The following DMD variants were observed in gnomAD, a reference collection of about 807,000 sequenced individuals.
The protein encoded by DMD is mutant dystrophin.
In DMD, 63 loss-of-function variants were observed where a neutral mutation model predicts 330.1. The ratio of observed to expected loss-of-function variants is 0.19; its 90% confidence interval spans 0.16 to 0.24. DMD has a LOEUF of 0.24. Among genes scored for constraint, DMD ranks in the 10% least tolerant of loss-of-function variants. The pLI, the probability that DMD is intolerant of heterozygous loss-of-function variation, is 1.00. For missense variants in DMD, 3,344 were observed against 2,684.1 expected (o/e 1.25, Z -5.43); for synonymous variants, 1,223 against 959.8 (o/e 1.27, Z -5.07).
At chrX:32,727,946 G>A (rs1345850541) in intron 7 of DMD, among the ~76,000 whole-genome samples, 1 of 111,167 alleles carries the variant, frequency 9.0e-6, no homozygotes, top group African/African-American at 3.3e-5. Flanking sequence ...GGGCATTACT[G>A]CTTGTCAGGA....
intron 32 of DMD, among the ~76,000 whole-genome samples, chrX:32,387,014 A>G (rs1194741936): frequency 5.4e-5 from 6 of 110,659 alleles, no homozygotes; most frequent in Non-Finnish European, 1.1e-4. Context: ...ATTTCAATAT[A>G]TATTGTATCA....
At chrX:32,585,632 A>G (rs1308209037) in intron 13 of DMD, among the ~76,000 whole-genome samples, 2 of 91,910 alleles carry the variant, frequency 2.2e-5, no homozygotes, top group Admixed American at 1.4e-4. Flanking sequence ...CCCGGGAGGC[A>G]GAGCTTACAG....
At chrX:32,239,323 T>C (rs1453872504) in intron 43 of DMD, among the ~76,000 whole-genome samples, 2 of 112,025 alleles carry the variant, frequency 1.8e-5, no homozygotes, top group Non-Finnish European at 3.8e-5. Flanking sequence ...TCTTCTACTT[T>C]TGAACTTTTA....
chrX:31,501,436 T>C (rs2070399321), intron 56 of DMD, among the ~76,000 whole-genome samples: 1 of 112,532 alleles, frequency 8.9e-6, no homozygotes, highest in Non-Finnish European at 1.9e-5. Context: ...TTAGCTTCTA[T>C]CTATGTCTAT....
chrX:32,199,830 T>A lies in DMD; in HGVS notation c.6438+17086A>T, dbSNP rs932984205. ...TGTGTGTGTGTGTGTGTGTGTGTAT[T>A]TTTAGTAGAGGTGGAGTTTCACCCT... is the stretch of plus-strand genomic sequence containing the variant. On this transcript the variant is annotated intron_variant, in intron 44 of 78. Coordinates refer to ENST00000357033, the MANE Select transcript of DMD (RefSeq NM_004006.3). 1.1e-3 allele frequency among the ~76,000 whole-genome samples: 73 copies of A among 66,250 alleles called. 1 individual carries two copies. The highest frequency in any genetic ancestry group is 4.1e-3 in the African/African-American group (70 of 17,072). 57.5% of individuals were successfully genotyped at this position (66,250 alleles called of 115,157 possible).
chrX:32,432,817 A>T (rs2098243782), intron 29 of DMD, among the ~76,000 whole-genome samples: 1 of 112,306 alleles, frequency 8.9e-6, no homozygotes, highest in African/African-American at 3.2e-5. Flanking sequence ...TGGTCTATCT[A>T]TGCTAAGGTA....
chrX:32,879,603 A>G (rs1387731256), intron 2 of DMD, among the ~76,000 whole-genome samples: 1 of 112,526 alleles, frequency 8.9e-6, no homozygotes, highest in Non-Finnish European at 1.9e-5. Flanking sequence ...AATTTCCAAT[A>G]AACATATATG....
Position 32,884,107 on chromosome X carries a change from C to G in DMD, c.94-34287G>C, listed in dbSNP as rs1052439223. On this transcript the variant is annotated intron_variant, in intron 2 of 78. Coordinates refer to ENST00000357033, the MANE Select transcript of DMD (RefSeq NM_004006.3). ...CCATCCTCAATATTCCCAATGTCCC[C>G]TATACTAAGACTAGTCTTGACCCCA... is the stretch of plus-strand genomic sequence containing the variant. 3.6e-5 allele frequency among the ~76,000 whole-genome samples: 4 copies of G among 110,782 alleles called. No homozygotes were observed. The Admixed American group carries it at 3.9e-4, about 11-fold the overall frequency.
intron 41 of DMD, among the ~76,000 whole-genome samples, chrX:32,327,868 C>T (rs1205936903): frequency 1.8e-5 from 2 of 111,415 alleles, no homozygotes; most frequent in African/African-American, 6.5e-5. Context: ...ATGACTGTTC[C>T]TCCCCACAAT....
chrX:32,200,054 C>G (rs1265186684), intron 44 of DMD, among the ~76,000 whole-genome samples: 1 of 110,782 alleles, frequency 9.0e-6, no homozygotes, highest in Non-Finnish European at 1.9e-5. Context: ...TTGTAAAAGC[C>G]TGGAGAAAAT....
intron 56 of DMD, among the ~76,000 whole-genome samples, chrX:31,501,411 T>C (rs761615245): frequency 3.6e-5 from 4 of 112,287 alleles, no homozygotes; most frequent in African/African-American, 6.5e-5. Flanking sequence ...AAAGAGGTGG[T>C]TCAAAGGGGC....
intron 44 of DMD, among the ~76,000 whole-genome samples, chrX:32,009,118 T>C (rs1016892987): frequency 9.0e-6 from 1 of 110,499 alleles, no homozygotes; most frequent in Admixed American, 9.7e-5. Context: ...TAGAAACAAA[T>C]AGAAACAGAG....
chrX:31,965,332 A>C (rs1429329945), intron 45 of DMD, among the ~76,000 whole-genome samples: 1 of 111,768 alleles, frequency 8.9e-6, no homozygotes, highest in Non-Finnish European at 1.9e-5. Context: ...GAAGCCTGAC[A>C]TTCCTCAGAA....
chrX:32,967,329 G>A (rs914875078), intron 2 of DMD, among the ~76,000 whole-genome samples: 5 of 111,780 alleles, frequency 4.5e-5, no homozygotes, highest in African/African-American at 9.8e-5. Flanking sequence ...ATCACAGAAA[G>A]CATCAACAGG....
Position 31,652,155 on chromosome X carries a change from T to TC in DMD, c.8027+5834dup, listed in dbSNP as rs779127477. Among the ~76,000 whole-genome samples, 14 of 111,540 alleles carry TC rather than the reference T, an allele frequency of 1.3e-4. No individual in the cohort carries two copies. In the East Asian group the frequency reaches 3.7e-3, roughly 29 times the overall value. ...ATTAGGACTCTCCTGGACTACTTTT[T>TC]CCCCCCCAATTATACATATGGCCCA... On this transcript the variant is annotated intron_variant, in intron 54 of 78. Coordinates refer to ENST00000357033, the MANE Select transcript of DMD (RefSeq NM_004006.3).
chrX:33,148,282 T>C (rs2048121074), intron 1 of DMD, among the ~76,000 whole-genome samples: 1 of 112,424 alleles, frequency 8.9e-6, no homozygotes, highest in African/African-American at 3.2e-5. Context: ...CACACCTCCC[T>C]GCCATAGTTT....
upstream of DMD, chrX:33,211,564 G>A: frequency 9.8e-7 from 1 of 1,019,847 alleles, no homozygotes; most frequent in East Asian, 3.9e-5. Flanking sequence ...GGATTCTGTA[G>A]AGGCCCCCGG....
chrX:31,696,672 A>G (rs1336452327), intron 52 of DMD, among the ~76,000 whole-genome samples: 1 of 112,464 alleles, frequency 8.9e-6, no homozygotes, highest in Non-Finnish European at 1.9e-5. Flanking sequence ...TATATTCTAC[A>G]TACAACTTTG....
rs370148777 is a variant in DMD, at chrX:32,732,999, A to T, written c.650-33706T>A. Among the ~76,000 whole-genome samples, 120 of 110,975 alleles carry T rather than the reference A, an allele frequency of 1.1e-3. 2 individuals are homozygous for T. Among genetic ancestry groups the T allele is most frequent in the Non-Finnish European group, 4.0e-4 (21 of 53,062 alleles). On this transcript the variant is annotated intron_variant, in intron 7 of 78. Transcript: ENST00000357033. ...GATAAAGAGTCAAGACCCATCAGTG[A>T]GCTGTATTCAGGAAACCCATCTCAT...
Sources: gnomAD v4.1 joint callset for allele counts (sites outside exome capture counted in the v4.1 genomes callset) on GRCh38, gnomAD v4.1.1 for gene constraint, MANE v1.5 for transcripts, NCBI Gene and HGNC (gene_info 2026-07-23, HGNC 2026-07-21) for gene names.